The following SLC12A7 variants were observed in gnomAD, a reference collection of about 807,000 sequenced individuals.
SLC12A7 encodes K-Cl cotransporter 4.
Under a neutral mutation model 120.6 loss-of-function variants are expected in SLC12A7, and 100 were observed. The ratio of observed to expected loss-of-function variants is 0.83; its 90% CI spans 0.71 to 0.98. SLC12A7 has a LOEUF of 0.98. Among genes scored for constraint, SLC12A7 ranks in the 50% least tolerant of loss-of-function variants. The pLI, the probability that SLC12A7 is intolerant of heterozygous loss-of-function variation, is 0.00. For synonymous variants in SLC12A7, 760 were observed against 678.0 expected (o/e 1.12, Z -1.88); for missense variants, 1,373 against 1,548.1 (o/e 0.89, Z 1.90).
chr5:1,132,284 G>A, the SLC12A7 span, among the ~76,000 whole-genome samples: 1 of 152,146 alleles, frequency 6.6e-6, no homozygotes, highest in Non-Finnish European at 1.5e-5. Context: ...AAAAGGGGAG[G>A]AGCCCACAGT....
At chr5:1,078,210 C>T (rs373781531) in intron 11 of SLC12A7, among the ~76,000 whole-genome samples, 27 of 152,176 alleles carry the variant, frequency 1.8e-4, no homozygotes, top group Non-Finnish European at 3.2e-4. Context: ...GGGTCTTCAG[C>T]GGGGGAGGGG....
At chr5:1,067,567 G>A (rs1254055152) in intron 17 of SLC12A7, among the ~76,000 whole-genome samples, 1 of 152,252 alleles carries the variant, frequency 6.6e-6, no homozygotes, top group African/African-American at 2.4e-5. Context: ...GCCAAGTTTG[G>A]ATGCAGCCAC....
chr5:1,069,773 C>A (rs1038634048), intron 17 of SLC12A7, among the ~76,000 whole-genome samples: 4 of 152,198 alleles, frequency 2.6e-5, no homozygotes, highest in Non-Finnish European at 5.9e-5. Flanking sequence ...ATCGTGTCAT[C>A]ATTCCGTTTC....
Position 1,050,663 on chromosome 5 carries a change from C to G in SLC12A7, c.*1697G>C. On this transcript the variant is annotated 3_prime_UTR_variant, in exon 24 of 24. Coordinates refer to ENST00000264930, the MANE Select transcript of SLC12A7 (RefSeq NM_006598.3). Reference sequence around the variant, plus strand: ...AGCCAGCACCATGTGGCCGCTGTGCCTCTAGCCTGCTCTCCTCCAGGTGCA... The same window carrying G: ...AGCCAGCACCATGTGGCCGCTGTGCGTCTAGCCTGCTCTCCTCCAGGTGCA... The G allele has an allele frequency of 2.6e-6, 1 of 391,724 alleles. No individual in the cohort carries two copies. Among genetic ancestry groups the G allele is most frequent in the Non-Finnish European group, 4.5e-6 (1 of 222,242 alleles). The allele number at this position is 391,724 out of a possible 1,614,324, so 24.3% of individuals were successfully genotyped here. A position where few individuals can be genotyped will look rare whatever the true frequency, so the allele number is the denominator to read the frequency against.
At chr5:1,053,299 C>A in intron 23 of SLC12A7, 50 bp downstream of exon 23, 1 of 1,586,022 alleles carries the variant, frequency 6.3e-7, no homozygotes, top group Non-Finnish European at 8.6e-7. Flanking sequence ...TAGCGAGAAG[C>A]CACCAGGGGG....
chr5:1,083,267 G>A lies in SLC12A7; in HGVS notation c.1129+478C>T, dbSNP rs929513723. Among the ~76,000 whole-genome samples the A allele has an allele frequency of 5.8e-4, 88 of 151,242 alleles. 1 individual carries two copies. Among genetic ancestry groups the A allele is most frequent in the African/African-American group, 2.1e-3 (85 of 41,152 alleles). Reference sequence around the variant, plus strand: ...TCCTGTCTTGGGTTCTGGAAAGCCTGGGCTTCCCGTCTCGGGTTCTGGAAA... The same window carrying A: ...TCCTGTCTTGGGTTCTGGAAAGCCTAGGCTTCCCGTCTCGGGTTCTGGAAA... On this transcript the variant is annotated intron_variant, in intron 8 of 23. Transcript: ENST00000264930.
In SLC12A7 at chr5:1,064,147, A is replaced by T; in HGVS notation, c.2543T>A (p.Val848Glu). 6.2e-7 allele frequency: 1 copy of T among 1,612,064 alleles called. No individual in the cohort carries two copies. The highest frequency in any genetic ancestry group is 8.5e-7 in the Non-Finnish European group (1 of 1,179,580). The change falls in exon 19 of 24, where the codon GTG (valine) becomes GAG (glutamate). Residue 848 changes from valine (V) to glutamate (E), a missense_variant. Transcript: ENST00000264930. The stretch of plus-strand genomic sequence containing the variant: ...GCCGCCGTCGTGCACGATCCACCAC[A>T]CGTCGATGTGGCCCCCGCCGAAGCG... ...QERFGGGHID[V>E]WWIVHDGGML...
chr5:1,145,520 G>T, the SLC12A7 span, among the ~76,000 whole-genome samples: 4 of 152,248 alleles, frequency 2.6e-5, no homozygotes, highest in Non-Finnish European at 4.4e-5. The surrounding 1 kb of genome is among the most constrained non-coding windows in gnomAD (Gnocchi z 4.4). Context: ...GAAGTCAGAG[G>T]CTGCCAGCCC....
chr5:1,061,724 T>C (rs1034823168), intron 20 of SLC12A7, among the ~76,000 whole-genome samples: 1 of 151,268 alleles, frequency 6.6e-6, no homozygotes, highest in African/African-American at 2.4e-5. Context: ...CCGAGGCGGG[T>C]GGATCACCTG....
intron 7 of SLC12A7, 53 bp from the exon 8 acceptor site, chr5:1,084,009 C>T: frequency 6.6e-7 from 1 of 1,510,604 alleles, no homozygotes; most frequent in Non-Finnish European, 9.0e-7. Flanking sequence ...GTGGCTTTTA[C>T]TGCCCCACCC....
chr5:1,094,049 C>G (rs1337523049), intron 2 of SLC12A7, 105 bp downstream of exon 2: 1 of 822,176 alleles, frequency 1.2e-6, no homozygotes, highest in African/African-American at 1.7e-5. Flanking sequence ...CACGTGGTGT[C>G]CAGTCCTGTG....
chr5:1,053,617 C>T (rs1735290433), intron 22 of SLC12A7, 135 bp from the exon 23 acceptor site: 2 of 1,208,970 alleles, frequency 1.7e-6, no homozygotes, highest in Admixed American at 5.3e-5. Flanking sequence ...GGCGGATTCT[C>T]TGACCCTGAA....
the SLC12A7 span, among the ~76,000 whole-genome samples, chr5:1,142,075 G>A: frequency 0.034 from 5,128 of 151,806 alleles, 313 homozygotes; most frequent in African/African-American, 0.12. Context: ...GGCAGGTGGC[G>A]TCAGGGTGGC....
At position 1,077,905 on chromosome 5, in the gene SLC12A7, G is replaced by T. The variant is rs749473234; in HGVS notation, c.1557C>A (p.Gly519=). 7.5e-6 allele frequency: 12 copies of T among 1,599,488 alleles called. No homozygotes were observed. In the South Asian group the frequency reaches 1.2e-4, roughly 16 times the overall value. Residue 519 remains glycine (G), a synonymous_variant, in exon 12 of 24, where the codon GGC becomes GGA. Coordinates refer to ENST00000264930, the MANE Select transcript of SLC12A7 (RefSeq NM_006598.3). ...GCGGTGCCCCCGTGAGGCTCTGCAG[G>T]CCGGCACCGCAGGTGGAGAAGAAGG... ...IGSFFSTCGA[G]LQSLTGAPRL...
intron 8 of SLC12A7, 55 bp from the exon 9 acceptor site, chr5:1,081,799 G>A (rs1477285663): frequency 7.0e-6 from 11 of 1,566,344 alleles, no homozygotes; most frequent in Non-Finnish European, 9.6e-6. Context: ...CAGTGCCCCC[G>A]CCATGGGGCC....
At chr5:1,118,216 ACTC>A in the SLC12A7 span, among the ~76,000 whole-genome samples, 2 of 151,986 alleles carry the variant, frequency 1.3e-5, no homozygotes, top group Admixed American at 1.3e-4. Context: ...TGACAGTAAA[ACTC>A]CGGTCTCCTG....
chr5:1,133,440 G>A, the SLC12A7 span, among the ~76,000 whole-genome samples: 1 of 152,190 alleles, frequency 6.6e-6, no homozygotes, highest in Non-Finnish European at 1.5e-5. Context: ...TGCTGGTCCT[G>A]GGGGAGAGGG....
chr5:1,110,366 T>C (rs867528382), intron 1 of SLC12A7, among the ~76,000 whole-genome samples: 3 of 152,116 alleles, frequency 2.0e-5, no homozygotes, highest in African/African-American at 2.4e-5. Flanking sequence ...AGGACCTGAG[T>C]GCGCGGGCAG....
In SLC12A7 at chr5:1,064,266, C is replaced by T. The variant is rs761534585; in HGVS notation, c.2438-14G>A. The T allele has an allele frequency of 8.1e-6, 13 of 1,601,336 alleles. No individual in the cohort carries two copies. The highest frequency in any genetic ancestry group is 6.8e-5 in the Admixed American group (4 of 59,008). ...CGCGGACGGTGTCTGCGGAGAGAGG[C>T]GGCCGTCCGCAGGTCATCTGAGGCC... On this transcript the variant is annotated splice_polypyrimidine_tract_variant and intron_variant, in intron 18 of 23. Coordinates refer to ENST00000264930, the MANE Select transcript of SLC12A7 (RefSeq NM_006598.3).
Sources: gnomAD v4.1 joint callset for allele counts (sites outside exome capture counted in the v4.1 genomes callset) on GRCh38, gnomAD v4.1.1 for gene constraint, Gnocchi (gnomAD v3.1) non-coding constraint, MANE v1.5 for transcripts, NCBI Gene and HGNC (gene_info 2026-07-23, HGNC 2026-07-21) for gene names.